Variants in PDE7B observed in about 807,000 individuals in gnomAD.
PDE7B encodes the protein phosphodiesterase 7B, also known as 3',5'-cyclic-AMP phosphodiesterase 7B.
PDE7B carries 29 observed loss-of-function variants against 56.2 expected under a neutral mutation model. That is an observed-to-expected ratio of 0.52 (90% CI 0.38 to 0.70). The LOEUF (loss-of-function observed/expected upper bound fraction) is 0.70. PDE7B is among the 30% of genes least tolerant of loss of function. The probability of loss-of-function intolerance (pLI) is 0.00; values close to 1 mark genes in which losing one functional copy is unlikely to be tolerated. For missense variants in PDE7B, 490 were observed against 565.0 expected (o/e 0.87, Z 1.35); for synonymous variants, 197 against 196.9 (o/e 1.00, Z 0.00).
At chr6:136,137,342 A>G (rs1018343009) in intron 3 of PDE7B, among the ~76,000 whole-genome samples, 2 of 152,154 alleles carry the variant, frequency 1.3e-5, no homozygotes, top group Non-Finnish European at 2.9e-5. Context: ...AAATTTTATT[A>G]GAATTACTAG....
At chr6:135,959,819 G>C (rs954859117) in intron 2 of PDE7B, among the ~76,000 whole-genome samples, 1 of 152,094 alleles carries the variant, frequency 6.6e-6, no homozygotes, top group Non-Finnish European at 1.5e-5. Flanking sequence ...TGTTACCCAG[G>C]CTGAAGTGCA....
In PDE7B at chr6:135,926,263, A is replaced by G. The variant is rs113072742; in HGVS notation, c.22-21201A>G. On this transcript the variant is annotated intron_variant, in intron 1 of 12. Coordinates refer to ENST00000308191, the MANE Select transcript of PDE7B (RefSeq NM_018945.4). ...CACCACGCCCAGCTAATTTTTTTGTATTTTTGGTAGAGACAGGGTTTCACC... is the reference window on the plus strand; with the variant it reads ...CACCACGCCCAGCTAATTTTTTTGTGTTTTTGGTAGAGACAGGGTTTCACC... Among the ~76,000 whole-genome samples the G allele has an allele frequency of 4.4e-3, 667 of 151,860 alleles. 8 individuals are homozygous for G. The highest frequency in any genetic ancestry group is 0.015 in the African/African-American group (634 of 41,404).
intron 1 of PDE7B, among the ~76,000 whole-genome samples, chr6:135,886,651 TAG>T (rs1458038724): frequency 6.6e-6 from 1 of 152,164 alleles, no homozygotes; most frequent in Non-Finnish European, 1.5e-5. Flanking sequence ...CTACTTCACT[TAG>T]AATAGTGGCC....
At chr6:136,191,433 G>A (rs149702388) in intron 12 of PDE7B, among the ~76,000 whole-genome samples, 181 bp from the exon 13 acceptor site, 1 of 152,236 alleles carries the variant, frequency 6.6e-6, no homozygotes, top group East Asian at 1.9e-4. Context: ...TTGGGAGGCC[G>A]AGGCGGGCGG....
At chr6:136,156,669 C>T (rs1778610160) in intron 8 of PDE7B, among the ~76,000 whole-genome samples, 1 of 152,106 alleles carries the variant, frequency 6.6e-6, no homozygotes. Context: ...AAGTTGAAGG[C>T]AAAGCAATAT....
intron 3 of PDE7B, among the ~76,000 whole-genome samples, chr6:136,132,807 A>C (rs566879258): frequency 6.6e-6 from 1 of 152,316 alleles, no homozygotes; most frequent in Admixed American, 6.5e-5. Context: ...GAACTAGTTC[A>C]ATGTGAAAAT....
intron 1 of PDE7B, among the ~76,000 whole-genome samples, chr6:135,906,138 GC>G (rs1170997403): frequency 6.6e-6 from 1 of 152,140 alleles, no homozygotes; most frequent in Non-Finnish European, 1.5e-5. Context: ...CGCAGAGCAG[GC>G]CTATGGTGGA....
At chr6:136,011,157 TC>T in intron 2 of PDE7B, among the ~76,000 whole-genome samples, 1 of 152,012 alleles carries the variant, frequency 6.6e-6, no homozygotes, top group Non-Finnish European at 1.5e-5. Flanking sequence ...TTTCTCCCCA[TC>T]AAAAAAACAA....
At chr6:135,865,386 A>G (rs1775235319) in intron 1 of PDE7B, among the ~76,000 whole-genome samples, 1 of 152,198 alleles carries the variant, frequency 6.6e-6, no homozygotes, top group East Asian at 1.9e-4. Flanking sequence ...AAGTTATGAT[A>G]TTCTTCGGTC....
At chr6:135,935,217 T>TATATATATATATA (rs1554268029) in intron 1 of PDE7B, among the ~76,000 whole-genome samples, 8 of 91,170 alleles carry the variant, frequency 8.8e-5, no homozygotes, top group African/African-American at 2.4e-4. Flanking sequence ...TATATATATA[T>TATATATATATATA]TTTCATGATT....
At chr6:136,087,298 TG>T (rs1386278112) in intron 2 of PDE7B, among the ~76,000 whole-genome samples, 1 of 152,210 alleles carries the variant, frequency 6.6e-6, no homozygotes, top group Non-Finnish European at 1.5e-5. Flanking sequence ...GCTCTCTATC[TG>T]GGAACCAGAA....
intron 3 of PDE7B, among the ~76,000 whole-genome samples, chr6:136,115,415 A>C (rs1004257291): frequency 6.6e-6 from 1 of 152,160 alleles, no homozygotes; most frequent in Admixed American, 6.5e-5. Flanking sequence ...ACGCTTTAAG[A>C]CTTAAGAAAC....
At chr6:136,161,359 C>T (rs1778701638) in intron 8 of PDE7B, among the ~76,000 whole-genome samples, 1 of 152,294 alleles carries the variant, frequency 6.6e-6, no homozygotes, top group East Asian at 1.9e-4. Flanking sequence ...CTAACTCATT[C>T]ACTGTGATAT....
At chr6:136,085,505 G>A (rs1381042122) in intron 2 of PDE7B, among the ~76,000 whole-genome samples, 1 of 152,160 alleles carries the variant, frequency 6.6e-6, no homozygotes, top group Non-Finnish European at 1.5e-5. Context: ...AGTTTGTCTT[G>A]CTATTCTAAT....
At chr6:135,976,454 G>C (rs1775189455) in intron 2 of PDE7B, among the ~76,000 whole-genome samples, 1 of 152,154 alleles carries the variant, frequency 6.6e-6, no homozygotes, top group African/African-American at 2.4e-5. Flanking sequence ...GGGCTGCAGT[G>C]ATAATACACC....
At chr6:135,928,820 G>C (rs568173839) in intron 1 of PDE7B, among the ~76,000 whole-genome samples, 39 of 152,054 alleles carry the variant, frequency 2.6e-4, no homozygotes, top group African/African-American at 9.2e-4. Flanking sequence ...GTGGGAGGGT[G>C]GGAGAGGCAG....
At chr6:135,943,696 T>A (rs1774545371) in intron 1 of PDE7B, among the ~76,000 whole-genome samples, 1 of 152,186 alleles carries the variant, frequency 6.6e-6, no homozygotes, top group African/African-American at 2.4e-5. Flanking sequence ...GGCACAAATG[T>A]TAGCAAGTCC....
At chr6:135,935,320 C>CCTAAAGCAT (rs1454991966) in intron 1 of PDE7B, among the ~76,000 whole-genome samples, 19 of 147,954 alleles carry the variant, frequency 1.3e-4, no homozygotes, top group Admixed American at 4.8e-4. Flanking sequence ...TTTGACTCCA[C>CCTAAAGCAT]CTAAAGCATC....
At chr6:136,173,018 G>A (rs1487759357) in intron 8 of PDE7B, among the ~76,000 whole-genome samples, 1 of 151,856 alleles carries the variant, frequency 6.6e-6, no homozygotes, top group Non-Finnish European at 1.5e-5. Context: ...ACAAACAAAT[G>A]GAAGAACATT....
Sources: gnomAD v4.1 joint callset for allele counts (sites outside exome capture counted in the v4.1 genomes callset) on GRCh38, gnomAD v4.1.1 for gene constraint, MANE v1.5 for transcripts, NCBI Gene and HGNC (gene_info 2026-07-23, HGNC 2026-07-21) for gene names.